ATPAF1: variants seen among roughly 807,000 people sequenced by gnomAD.
The protein encoded by ATPAF1 is homolog of yeast ATP11.
A neutral mutation model predicts 43.9 loss-of-function variants in ATPAF1; 26 were observed. The ratio of observed to expected loss-of-function variants is 0.59; its 90% CI spans 0.43 to 0.82. The LOEUF (loss-of-function observed/expected upper bound fraction) is 0.82. Among genes scored for constraint, ATPAF1 ranks in the 40% least tolerant of loss-of-function variants. The probability of loss-of-function intolerance (pLI) is 0.00; values close to 1 mark genes in which losing one functional copy is unlikely to be tolerated. For missense variants in ATPAF1, 366 were observed against 435.0 expected (o/e 0.84, Z 1.41); for synonymous variants, 157 against 168.0 (o/e 0.93, Z 0.50).
intron 2 of ATPAF1, among the ~76,000 whole-genome samples, chr1:46,659,606 G>A (rs1292467952): frequency 1.3e-5 from 2 of 152,190 alleles, no homozygotes; most frequent in South Asian, 4.1e-4. Flanking sequence ...TGATTATTTT[G>A]TCTCGTAGCC....
At chr1:46,643,324 A>T in intron 7 of ATPAF1, 23 bp from the exon 8 acceptor site, 3 of 1,543,922 alleles carry the variant, frequency 1.9e-6, no homozygotes, top group Non-Finnish European at 2.7e-6. Context: ...ACACTTATCA[A>T]GGCTCAATAA....
At chr1:46,666,644 G>C (rs1251871554) in intron 1 of ATPAF1, among the ~76,000 whole-genome samples, 1 of 152,194 alleles carries the variant, frequency 6.6e-6, no homozygotes, top group East Asian at 1.9e-4. Context: ...TGTTTATGTT[G>C]CTGCTCCCCT....
At chr1:46,633,779 G>A (rs754712039), downstream of ATPAF1, 10 of 456,092 alleles carry the variant, frequency 2.2e-5, no homozygotes, top group Non-Finnish European at 3.5e-5. Context: ...TTCCTCACCC[G>A]CTGGTGGAGG....
downstream of ATPAF1, chr1:46,634,688 G>A (rs1183772513): frequency 6.6e-6 from 1 of 152,366 alleles, no homozygotes; most frequent in African/African-American, 2.4e-5. Context: ...CTTGGGTTCA[G>A]AAGGCTGGTG....
intron 2 of ATPAF1, among the ~76,000 whole-genome samples, chr1:46,661,816 G>A (rs993207109): frequency 2.0e-5 from 3 of 151,964 alleles, no homozygotes; most frequent in Non-Finnish European, 2.9e-5. Flanking sequence ...AAGATAGCAA[G>A]TGAATATTTA....
chr1:46,637,273 G>A (rs892544919), intron 8 of ATPAF1, among the ~76,000 whole-genome samples: 13 of 152,116 alleles, frequency 8.5e-5, no homozygotes, highest in African/African-American at 2.7e-4. Context: ...CTAGCTACTC[G>A]GGAGGCTGAG....
At chr1:46,655,662 C>CT (rs749309373) in intron 4 of ATPAF1, among the ~76,000 whole-genome samples, 62 of 151,554 alleles carry the variant, frequency 4.1e-4, no homozygotes, top group Non-Finnish European at 5.9e-4. Context: ...TTTTTACTAC[C>CT]TTTTTTTTGC....
intron 7 of ATPAF1, 68 bp from the exon 8 acceptor site, chr1:46,643,369 T>C (rs758965360): frequency 1.8e-4 from 224 of 1,257,906 alleles, no homozygotes; most frequent in Non-Finnish European, 2.3e-4. Context: ...TTCAAAGCAA[T>C]AGACAGTCTA....
intron 8 of ATPAF1, among the ~76,000 whole-genome samples, chr1:46,640,332 C>T (rs1217628329): frequency 6.6e-6 from 1 of 151,964 alleles, no homozygotes; most frequent in Non-Finnish European, 1.5e-5. Flanking sequence ...GTTTTTGGCC[C>T]AGCGTGGTGG....
chr1:46,645,214 C>CA lies in ATPAF1; in HGVS notation c.630dup (p.Val211CysfsTer8), dbSNP rs1310890099. 1 of 1,613,896 alleles carries CA rather than the reference C, an allele frequency of 6.2e-7. No individual in the cohort carries two copies. The highest frequency in any genetic ancestry group is 1.1e-5 in the South Asian group (1 of 91,078). On this transcript the variant is annotated frameshift_variant, in exon 7 of 9. Transcript: ENST00000574428. LOFTEE classifies it high-confidence loss of function. Reference sequence around the variant, plus strand: ...AGTTCAGTACCTGTCCATTGTCCTACAAAAAACTCATAACCTTCCCTTCTT... The same window carrying CA: ...AGTTCAGTACCTGTCCATTGTCCTACAAAAAAACTCATAACCTTCCCTTCTT...
intron 2 of ATPAF1, among the ~76,000 whole-genome samples, chr1:46,664,179 GAC>G (rs571643670): frequency 2.6e-5 from 4 of 152,238 alleles, no homozygotes; most frequent in Admixed American, 6.5e-5. Context: ...AATCTTCCCA[GAC>G]ACAGTTTTCA....
intron 8 of ATPAF1, among the ~76,000 whole-genome samples, chr1:46,642,831 C>T (rs1051052030): frequency 6.6e-6 from 1 of 151,986 alleles, no homozygotes; most frequent in African/African-American, 2.4e-5. Context: ...TTAATATTTC[C>T]CTAGTAAAAT....
At chr1:46,635,387 G>A (rs943813447) in exon 9 of ATPAF1, 7 of 180,210 alleles carry the variant, frequency 3.9e-5, no homozygotes, top group African/African-American at 7.1e-5. Flanking sequence ...AGGTCTTCAA[G>A]CTTATTATCC....
chr1:46,653,997 C>T lies in ATPAF1; in HGVS notation c.490-130G>A, dbSNP rs566642766. ...AACAGAGAGGAAAAACCCAGTATAA[C>T]GCTTTCATTACTAGCACATCACAAA... is the stretch of plus-strand genomic sequence containing the variant. On this transcript the variant is annotated intron_variant, in intron 4 of 8. Coordinates refer to ENST00000574428, the Ensembl canonical transcript of ATPAF1. The surrounding 1 kb of genome is among the most constrained non-coding windows in gnomAD (Gnocchi z 4.8). The T allele has an allele frequency of 9.8e-5, 69 of 703,962 alleles. No homozygotes were observed. In the East Asian group the frequency reaches 1.1e-3, roughly 11 times the overall value. The allele number at this position is 703,962 out of a possible 1,614,324, so 43.6% of individuals were successfully genotyped here.
chr1:46,648,270 C>A (rs1419845122), intron 6 of ATPAF1, among the ~76,000 whole-genome samples: 1 of 152,146 alleles, frequency 6.6e-6, no homozygotes, highest in Non-Finnish European at 1.5e-5. Context: ...CACCACCACG[C>A]CTAGCTAATT....
rs372962070 is a variant in ATPAF1, at chr1:46,662,312, CTA to C, written c.375+2942_375+2943del. ...GAGCTATTGACTTGTAACCTTACTA[CTA>C]TAAGTGTTTATTATAGGAAATGACA... On this transcript the variant is annotated intron_variant, in intron 2 of 8. Transcript: ENST00000574428. Among the ~76,000 whole-genome samples, 642 of 152,236 alleles carry C rather than the reference CTA, an allele frequency of 4.2e-3. 1 individual carries two copies. Among genetic ancestry groups the C allele is most frequent in the African/African-American group, 0.014 (590 of 41,544 alleles).
chr1:46,643,345 C>G (rs536871523), intron 7 of ATPAF1, 44 bp from the exon 8 acceptor site: 29 of 1,439,266 alleles, frequency 2.0e-5, no homozygotes, highest in Non-Finnish European at 2.7e-5. Flanking sequence ...GGTACCATCA[C>G]AACAAACTGC....
intron 6 of ATPAF1, among the ~76,000 whole-genome samples, chr1:46,652,107 C>T (rs1676180328): frequency 6.6e-6 from 1 of 150,858 alleles, no homozygotes; most frequent in South Asian, 2.1e-4. Context: ...GCTAATTATT[C>T]TGATTTGATC....
chr1:46,647,815 TA>T (rs1676072209), intron 6 of ATPAF1, among the ~76,000 whole-genome samples: 1 of 152,236 alleles, frequency 6.6e-6, no homozygotes, highest in African/African-American at 2.4e-5. Flanking sequence ...TTCTTACCAA[TA>T]CTTGGTATGA....
Sources: gnomAD v4.1 joint callset for allele counts (sites outside exome capture counted in the v4.1 genomes callset) on GRCh38, gnomAD v4.1.1 for gene constraint, Gnocchi (gnomAD v3.1) non-coding constraint, MANE v1.5 for transcripts, NCBI Gene and HGNC (gene_info 2026-07-23, HGNC 2026-07-21) for gene names.